The following MEIS1 variants were observed in gnomAD, a reference collection of about 807,000 sequenced individuals.
The protein encoded by MEIS1 is Meis homeobox 1.
In MEIS1, 5 loss-of-function variants were observed where a neutral mutation model predicts 50.8. The observed-to-expected ratio is 0.10, with a 90% CI of 0.05 to 0.21. The LOEUF (loss-of-function observed/expected upper bound fraction) is 0.21. MEIS1 is among the 10% of genes least tolerant of loss of function. The probability of loss-of-function intolerance (pLI) is 1.00; values close to 1 mark genes in which losing one functional copy is unlikely to be tolerated. For missense variants in MEIS1, 318 were observed against 517.3 expected (o/e 0.61, Z 3.74); for synonymous variants, 176 against 179.3 (o/e 0.98, Z 0.15).
chr2:66,471,510 A>G (rs1672759572), intron 7 of MEIS1, among the ~76,000 whole-genome samples: 1 of 152,242 alleles, frequency 6.6e-6, no homozygotes, highest in South Asian at 2.1e-4. Flanking sequence ...TTTTTAAGAA[A>G]TACCAACTCC....
intron 7 of MEIS1, among the ~76,000 whole-genome samples, chr2:66,475,104 A>G (rs1672858399): frequency 6.8e-6 from 1 of 147,176 alleles, no homozygotes; most frequent in Non-Finnish European, 1.5e-5. Context: ...GGAGAAAAGG[A>G]TATATTGATT....
At chr2:66,536,377 A>C (rs1674517863) in intron 8 of MEIS1, among the ~76,000 whole-genome samples, 1 of 152,208 alleles carries the variant, frequency 6.6e-6, no homozygotes, top group Non-Finnish European at 1.5e-5. Flanking sequence ...AGAGACAGGA[A>C]ACTGTTAGCT....
intron 6 of MEIS1, among the ~76,000 whole-genome samples, chr2:66,447,550 C>G (rs559053489): frequency 1.2e-4 from 19 of 152,322 alleles, no homozygotes; most frequent in Non-Finnish European, 2.4e-4. Flanking sequence ...ATTCTAGGCC[C>G]TTTATTACAT....
chr2:66,569,343 A>C (rs1675427518), intron 12 of MEIS1, 198 bp downstream of exon 12: 1 of 479,944 alleles, frequency 2.1e-6, no homozygotes, highest in African/African-American at 2.0e-5. Flanking sequence ...ATGTACATTT[A>C]TCCTGTGTGT....
intron 7 of MEIS1, among the ~76,000 whole-genome samples, chr2:66,474,810 G>A (rs1672850210): frequency 6.6e-6 from 1 of 151,994 alleles, no homozygotes; most frequent in South Asian, 2.1e-4. Context: ...ACTTTATTTT[G>A]TAACAAAGAA....
At chr2:66,551,383 G>A (rs944459456) in intron 9 of MEIS1, among the ~76,000 whole-genome samples, 5 of 152,072 alleles carry the variant, frequency 3.3e-5, no homozygotes, top group Non-Finnish European at 5.9e-5. Flanking sequence ...CAATAAGACT[G>A]ATTTGATTAA....
intron 6 of MEIS1, chr2:66,461,834 A>C (rs1257194897): frequency 2.1e-6 from 1 of 469,580 alleles, no homozygotes; most frequent in Non-Finnish European, 4.4e-6. Flanking sequence ...CAGCAAGGAA[A>C]ATCTTTTCAT....
intron 7 of MEIS1, among the ~76,000 whole-genome samples, chr2:66,470,986 A>G (rs1022989960): frequency 2.6e-5 from 4 of 152,202 alleles, no homozygotes; most frequent in Non-Finnish European, 4.4e-5. Flanking sequence ...GTTCACAGGC[A>G]TTGATGTGAA....
At chr2:66,504,294 C>T (rs908128456) in intron 7 of MEIS1, among the ~76,000 whole-genome samples, 2 of 151,910 alleles carry the variant, frequency 1.3e-5, no homozygotes, top group South Asian at 2.1e-4. Context: ...AGTGCAGTGA[C>T]GCGACCTCAG....
intron 7 of MEIS1, among the ~76,000 whole-genome samples, chr2:66,472,373 GA>G (rs1312212479): frequency 6.6e-6 from 1 of 152,164 alleles, no homozygotes; most frequent in African/African-American, 2.4e-5. Context: ...ATATTATCAT[GA>G]GTTGTGTTTA....
chr2:66,503,854 C>G (rs1004553669), intron 7 of MEIS1, among the ~76,000 whole-genome samples: 1 of 148,572 alleles, frequency 6.7e-6, no homozygotes, highest in African/African-American at 2.5e-5. Context: ...GCGCCATTCT[C>G]CTGCCTCATC....
rs892756276 is a variant in MEIS1 at position 66,492,904 on chromosome 2, C to T, written c.743-19245C>T. On this transcript the variant is annotated intron_variant, in intron 7 of 12. Coordinates refer to ENST00000272369, the MANE Select transcript of MEIS1 (RefSeq NM_002398.3). ...TTATGCTGTTGAACACATCTGGGGC[C>T]TGTTACTGCACCCTTACTCTTAGAT... 5.3e-5 allele frequency among the ~76,000 whole-genome samples: 8 copies of T among 152,172 alleles called. No individual in the cohort carries two copies. The South Asian group carries it at 8.3e-4, about 16-fold the overall frequency.
At chr2:66,539,033 G>A (rs768286625) in intron 8 of MEIS1, among the ~76,000 whole-genome samples, 22 of 152,260 alleles carry the variant, frequency 1.4e-4, no homozygotes, top group African/African-American at 1.7e-4. Context: ...GACCACAGGC[G>A]TGTGCCACCA....
At chr2:66,466,211 TC>T (rs1209245027) in intron 7 of MEIS1, among the ~76,000 whole-genome samples, 1 of 152,150 alleles carries the variant, frequency 6.6e-6, no homozygotes, top group East Asian at 1.9e-4. Context: ...GACCTAAACT[TC>T]CAGTTTCCCA....
At chr2:66,493,015 C>A (rs965358572) in intron 7 of MEIS1, among the ~76,000 whole-genome samples, 3 of 152,126 alleles carry the variant, frequency 2.0e-5, no homozygotes, top group Non-Finnish European at 4.4e-5. Context: ...CTCAGGTGGC[C>A]TTTAAATTTG....
At chr2:66,520,929 C>T (rs774925503) in intron 8 of MEIS1, among the ~76,000 whole-genome samples, 6 of 152,172 alleles carry the variant, frequency 3.9e-5, no homozygotes, top group Admixed American at 1.3e-4. Flanking sequence ...CAAATCAAAT[C>T]GCGTTGTGGG....
At chr2:66,554,609 C>T (rs898574961) in intron 9 of MEIS1, among the ~76,000 whole-genome samples, 3 of 152,106 alleles carry the variant, frequency 2.0e-5, no homozygotes, top group Admixed American at 1.3e-4. Flanking sequence ...TGGATTTGGG[C>T]GACAGTGTCC....
chr2:66,449,822 C>G (rs1389882670), intron 6 of MEIS1, among the ~76,000 whole-genome samples: 1 of 152,104 alleles, frequency 6.6e-6, no homozygotes, highest in African/African-American at 2.4e-5. Flanking sequence ...AAGGAAAATA[C>G]AAGAGTGCAA....
intron 7 of MEIS1, among the ~76,000 whole-genome samples, chr2:66,483,097 A>G (rs918485661): frequency 6.6e-6 from 1 of 152,164 alleles, no homozygotes; most frequent in Non-Finnish European, 1.5e-5. Flanking sequence ...AATGGTAAGC[A>G]TTATGTATGT....
Sources: allele counts gnomAD v4.1 joint callset (sites outside exome capture counted in the v4.1 genomes callset), GRCh38; gene constraint gnomAD v4.1.1; transcripts MANE v1.5; gene names NCBI Gene and HGNC (gene_info 2026-07-23, HGNC 2026-07-21).